FNIP2: variants seen among roughly 807,000 people sequenced by gnomAD.
FNIP2 encodes folliculin interacting protein 2.
FNIP2 carries 32 observed loss-of-function variants against 108.7 expected under a neutral mutation model. That is an observed-to-expected ratio of 0.29 (90% CI 0.22 to 0.40). The LOEUF is 0.40. FNIP2 is among the 10% of genes least tolerant of loss of function. The probability of loss-of-function intolerance (pLI) is 1.00; values close to 1 mark genes in which losing one functional copy is unlikely to be tolerated. For missense variants in FNIP2, 1,202 were observed against 1,381.6 expected (o/e 0.87, Z 2.06); for synonymous variants, 480 against 496.7 (o/e 0.97, Z 0.45).
At chr4:158,884,337 A>G (rs1009530969) in intron 14 of FNIP2, among the ~76,000 whole-genome samples, 10 of 152,200 alleles carry the variant, frequency 6.6e-5, no homozygotes, top group Non-Finnish European at 1.3e-4. Flanking sequence ...CAGAAGAAAA[A>G]GAAATGTGAT....
chr4:158,887,736 CAAAAAAAAAA>C (rs10645281), intron 14 of FNIP2, among the ~76,000 whole-genome samples: 1 of 78,802 alleles, frequency 1.3e-5, no homozygotes, highest in East Asian at 3.2e-4. Context: ...GACTCTGTCT[CAAAAAAAAAA>C]AAAAAAAAAA....
At chr4:158,771,288 G>A (rs1273789630) in intron 1 of FNIP2, among the ~76,000 whole-genome samples, 1 of 152,200 alleles carries the variant, frequency 6.6e-6, no homozygotes, top group African/African-American at 2.4e-5. Context: ...AAGGATGCTG[G>A]ACGATGGGAA....
At chr4:158,785,710 CTTTT>C (rs11399957) in intron 1 of FNIP2, among the ~76,000 whole-genome samples, 4 of 144,114 alleles carry the variant, frequency 2.8e-5, no homozygotes, top group African/African-American at 1.0e-4. Flanking sequence ...TTCTTTCTTT[CTTTT>C]TTTTTTTTAA....
At chr4:158,801,841 G>T (rs530063185) in intron 1 of FNIP2, among the ~76,000 whole-genome samples, 2 of 152,150 alleles carry the variant, frequency 1.3e-5, no homozygotes, top group Non-Finnish European at 2.9e-5. Flanking sequence ...AACTGGTATC[G>T]TGAGGATGGC....
In FNIP2 at chr4:158,891,549, A is replaced by C. The variant is rs752560454; in HGVS notation, c.3053A>C (p.Asn1018Thr). The C allele has an allele frequency of 1.2e-6, 2 of 1,611,922 alleles. No individual in the cohort carries two copies. The highest frequency in any genetic ancestry group is 2.2e-5 in the South Asian group (2 of 90,592). The change falls in exon 15 of 17, where the codon AAC becomes ACC. Residue 1018 changes from asparagine (N) to threonine (T), a missense_variant. By Grantham distance (65) the Asn-to-Thr change is moderately conservative. This residue lies in a region of FNIP2 where 142 missense variants were observed against 183.8 expected (regional missense o/e 0.77). Transcript: ENST00000264433. ...VATSQRKVTDNMKLGQDVLVS... is the reference protein window; with the variant it reads ...VATSQRKVTDTMKLGQDVLVS... ...ACAAGTCAGAGGAAAGTGACGGACA[A>C]CATGAAACTAGGCCAGGATGTCCTG... is the stretch of plus-strand genomic sequence containing the variant.
intron 1 of FNIP2, chr4:158,806,286 G>A (rs1428165411): frequency 3.1e-6 from 4 of 1,289,294 alleles, no homozygotes; most frequent in Non-Finnish European, 4.0e-6. Flanking sequence ...ACCAGCCAGA[G>A]AGCTGGCAAG....
chr4:158,861,863 AC>A, intron 12 of FNIP2, 87 bp downstream of exon 12: 1 of 1,452,370 alleles, frequency 6.9e-7, no homozygotes, highest in South Asian at 1.2e-5. Context: ...CGGCTCTCTC[AC>A]CCAGTAATTC....
At chr4:158,874,112 C>G (rs1269290699) in intron 14 of FNIP2, among the ~76,000 whole-genome samples, 1 of 152,112 alleles carries the variant, frequency 6.6e-6, no homozygotes, top group Non-Finnish European at 1.5e-5. Flanking sequence ...TGTTGATAAT[C>G]TTAGGTAAAT....
intron 8 of FNIP2, among the ~76,000 whole-genome samples, chr4:158,857,091 A>C (rs1477678261): frequency 6.6e-6 from 1 of 152,086 alleles, no homozygotes. Context: ...AACTGATGAG[A>C]GCATTGGCTA....
intron 14 of FNIP2, among the ~76,000 whole-genome samples, chr4:158,890,518 G>GA (rs1272440836): frequency 2.0e-5 from 3 of 152,184 alleles, no homozygotes; most frequent in Non-Finnish European, 2.9e-5. Context: ...ATGCATCTTT[G>GA]ATTTGTATTT....
intron 16 of FNIP2, among the ~76,000 whole-genome samples, chr4:158,904,199 A>G (rs1729623637): frequency 6.6e-6 from 1 of 152,220 alleles, no homozygotes; most frequent in Non-Finnish European, 1.5e-5. Flanking sequence ...ACCCCTGCCA[A>G]GGGAAAAAGA....
intron 3 of FNIP2, among the ~76,000 whole-genome samples, chr4:158,829,836 T>C (rs1362647556): frequency 3.9e-5 from 6 of 152,124 alleles, no homozygotes; most frequent in Admixed American, 2.0e-4. Context: ...TATTAATTGA[T>C]GGAGGATATA....
intron 1 of FNIP2, among the ~76,000 whole-genome samples, chr4:158,800,211 C>A (rs961170698): frequency 5.3e-5 from 8 of 151,792 alleles, no homozygotes; most frequent in African/African-American, 1.7e-4. Flanking sequence ...AGCACTTTTT[C>A]AAAAAAACGT....
At chr4:158,800,704 C>G (rs1411921021) in intron 1 of FNIP2, among the ~76,000 whole-genome samples, 1 of 151,986 alleles carries the variant, frequency 6.6e-6, no homozygotes, top group African/African-American at 2.4e-5. Flanking sequence ...TCTATGCTTT[C>G]TTTTTTCTGT....
At chr4:158,895,604 G>C in intron 15 of FNIP2, 146 bp from the exon 16 acceptor site, 1 of 603,910 alleles carries the variant, frequency 1.7e-6, no homozygotes, top group South Asian at 2.0e-5. Flanking sequence ...GGTAGGGTTT[G>C]AGATGGCTTG....
rs35746599 is a variant in FNIP2, at chr4:158,830,248, C to CTT, written c.381+1047_381+1048dup. 3.9e-3 allele frequency among the ~76,000 whole-genome samples: 246 copies of CTT among 63,876 alleles called. 2 individuals are homozygous for CTT. The highest frequency in any genetic ancestry group is 9.2e-3 in the African/African-American group (152 of 16,516). 41.9% of individuals were successfully genotyped at this position (63,876 alleles called of 152,430 possible). Reference sequence around the variant, plus strand: ...GAGCAGGGCTGATAGATTTATCTTTCTTTTTTTTTTTTTTTTTTTTTTTTT... The same window carrying CTT: ...GAGCAGGGCTGATAGATTTATCTTTCTTTTTTTTTTTTTTTTTTTTTTTTTTT... On this transcript the variant is annotated intron_variant, in intron 3 of 16. Coordinates refer to ENST00000264433, the MANE Select transcript of FNIP2 (RefSeq NM_020840.3).
chr4:158,801,196 A>G (rs558234613), intron 1 of FNIP2, among the ~76,000 whole-genome samples: 5 of 151,826 alleles, frequency 3.3e-5, no homozygotes, highest in Non-Finnish European at 7.4e-5. Context: ...AATCCTGGGG[A>G]GGCGGTAGGG....
At chr4:158,841,862 C>T (rs778869422) in intron 7 of FNIP2, among the ~76,000 whole-genome samples, 7 of 152,230 alleles carry the variant, frequency 4.6e-5, no homozygotes, top group Non-Finnish European at 7.3e-5. Context: ...GGCATCTGGC[C>T]CCTTTTGTGT....
chr4:158,860,397 A>G (rs1447698875), intron 10 of FNIP2, among the ~76,000 whole-genome samples: 2 of 151,948 alleles, frequency 1.3e-5, no homozygotes, highest in African/African-American at 2.4e-5. Context: ...CAGTAATGCT[A>G]CCTGGAGCAA....
Sources: allele counts gnomAD v4.1 joint callset (sites outside exome capture counted in the v4.1 genomes callset), GRCh38; gene constraint gnomAD v4.1.1; regional missense constraint gnomAD v4.1.1; transcripts MANE v1.5; gene names NCBI Gene and HGNC (gene_info 2026-07-23, HGNC 2026-07-21).